Variants in ABCB7 observed in about 807,000 individuals in gnomAD.
ABCB7 encodes iron-sulfur clusters transporter ABCB7, mitochondrial.
In ABCB7, 7 loss-of-function variants were observed where a neutral mutation model predicts 54.4. That is an observed-to-expected ratio of 0.13 (90% CI 0.07 to 0.24). ABCB7 has a LOEUF of 0.24. Ranked by LOEUF, ABCB7 falls within the 10% of genes least tolerant of loss-of-function variation. The probability of loss-of-function intolerance (pLI) is 1.00; values close to 1 mark genes in which losing one functional copy is unlikely to be tolerated. For missense variants in ABCB7, 356 were observed against 570.4 expected (o/e 0.62, Z 3.83); for synonymous variants, 218 against 207.1 (o/e 1.05, Z -0.45).
intron 4 of ABCB7, among the ~76,000 whole-genome samples, chrX:75,085,851 ATT>A (rs111232342): frequency 2.9e-5 from 3 of 103,678 alleles, no homozygotes; most frequent in African/African-American, 1.1e-4. Flanking sequence ...AACTTTAAAT[ATT>A]TTTTTTTTTT....
intron 13 of ABCB7, among the ~76,000 whole-genome samples, chrX:75,063,199 TAAAC>T (rs1234034491): frequency 2.7e-5 from 3 of 111,328 alleles, no homozygotes; most frequent in South Asian, 3.8e-4. Flanking sequence ...ATTTCTTAAA[TAAAC>T]AGTGAAAATA....
chrX:75,054,311 T>C, intron 15 of ABCB7, among the ~76,000 whole-genome samples: 1 of 112,170 alleles, frequency 8.9e-6, no homozygotes, highest in East Asian at 2.8e-4. Context: ...TGTAAGGTTA[T>C]ACCACTATTC....
At chrX:75,112,809 T>C (rs1167557956) in intron 3 of ABCB7, 77 bp downstream of exon 3, 2 of 815,055 alleles carry the variant, frequency 2.5e-6, no homozygotes, top group Non-Finnish European at 3.7e-6. Flanking sequence ...TTCTAGGATA[T>C]TATAATCTTA....
chrX:75,104,047 G>GTTGTTTTTTTTTTTTTT (rs2081663492), intron 3 of ABCB7, among the ~76,000 whole-genome samples: 1 of 13,443 alleles, frequency 7.4e-5, no homozygotes, highest in Non-Finnish European at 1.7e-4. Flanking sequence ...TCTTGTTACA[G>GTTGTTTTTTTTTTTTTT]TTTTTTTTTT....
At chrX:75,140,129 A>T (rs2082043685) in intron 1 of ABCB7, among the ~76,000 whole-genome samples, 1 of 112,123 alleles carries the variant, frequency 8.9e-6, no homozygotes, top group South Asian at 3.7e-4. Flanking sequence ...TTTAAAGGAG[A>T]TCTTGACAAA....
chrX:75,123,596 G>A (rs924798776), intron 1 of ABCB7, among the ~76,000 whole-genome samples: 1 of 111,614 alleles, frequency 9.0e-6, no homozygotes, highest in Non-Finnish European at 1.9e-5. Context: ...GTTGGGTAGT[G>A]TGGAAATTTT....
In ABCB7 at chrX:75,095,884, A is replaced by G. The variant is rs1047918040; in HGVS notation, c.453+3058T>C. 3.6e-5 allele frequency among the ~76,000 whole-genome samples: 4 copies of G among 111,887 alleles called. No homozygotes were observed. In the South Asian group the frequency reaches 1.5e-3, roughly 42 times the overall value. On this transcript the variant is annotated intron_variant, in intron 4 of 15. Coordinates refer to ENST00000373394, the MANE Select transcript of ABCB7 (RefSeq NM_001271696.3). Reference sequence around the variant, plus strand: ...AAGTTAGTTTAGATCTAGATTTCATACCCTGATATTGACCTGTCACTAAGC... The same window carrying G: ...AAGTTAGTTTAGATCTAGATTTCATGCCCTGATATTGACCTGTCACTAAGC...
At chrX:75,089,324 A>G (rs1340459433) in intron 4 of ABCB7, among the ~76,000 whole-genome samples, 1 of 111,963 alleles carries the variant, frequency 8.9e-6, no homozygotes, top group Non-Finnish European at 1.9e-5. Context: ...CATCTAACAG[A>G]TAAGTTTCTT....
intron 1 of ABCB7, among the ~76,000 whole-genome samples, chrX:75,144,148 C>T (rs1352623185): frequency 9.0e-6 from 1 of 111,424 alleles, no homozygotes. Context: ...ATGTCCCTAT[C>T]TCCAATCCTT....
intron 15 of ABCB7, among the ~76,000 whole-genome samples, chrX:75,057,385 C>CT (rs1356870433): frequency 1.5e-3 from 148 of 99,633 alleles, no homozygotes; most frequent in South Asian, 0.014. Flanking sequence ...GTTTCCTTTA[C>CT]TTTTTTTTTT....
intron 1 of ABCB7, among the ~76,000 whole-genome samples, chrX:75,151,609 C>CTACTATA (rs1287155781): frequency 9.0e-6 from 1 of 111,727 alleles, no homozygotes; most frequent in Non-Finnish European, 1.9e-5. Flanking sequence ...CAGTAGTAAA[C>CTACTATA]TAGGATCACA....
At chrX:75,087,181 A>G (rs979436164) in intron 4 of ABCB7, among the ~76,000 whole-genome samples, 3 of 111,926 alleles carry the variant, frequency 2.7e-5, no homozygotes, top group African/African-American at 9.8e-5. Flanking sequence ...CTGTTGCTCT[A>G]ATAAACTTGC....
In ABCB7 at chrX:75,076,541, T is replaced by C. The variant is rs754634625; in HGVS notation, c.567A>G (p.Ala189=). 3.3e-6 allele frequency: 4 copies of C among 1,211,151 alleles called. No homozygotes were observed. Among genetic ancestry groups the C allele is most frequent in the Non-Finnish European group, 4.5e-6 (4 of 895,018 alleles). ...ACATACAGCCAATCAGAACTGCTGT[T>C]GCCATGGTTGCAACTGTATTTGGTG... The part of the protein sequence containing the change: ...SDAPNTVATM[A]TAVLIGYGVS... Residue 189 remains alanine (A), a synonymous_variant, in exon 5 of 16, where the codon GCA becomes GCG. Transcript: ENST00000373394.
intron 1 of ABCB7, among the ~76,000 whole-genome samples, chrX:75,152,500 C>G (rs1405362534): frequency 8.9e-6 from 1 of 111,838 alleles, no homozygotes; most frequent in South Asian, 3.7e-4. Flanking sequence ...GTTATACCAG[C>G]CCAAACAGAC....
chrX:75,104,078 TTTTTTTTG>T, intron 3 of ABCB7, among the ~76,000 whole-genome samples: 3 of 76,757 alleles, frequency 3.9e-5, no homozygotes, highest in South Asian at 7.6e-4. Context: ...TTTTTTTTTT[TTTTTTTTG>T]TGGAAAGGCT....
chrX:75,091,317 A>G (rs1046619751), intron 4 of ABCB7, among the ~76,000 whole-genome samples: 6 of 111,467 alleles, frequency 5.4e-5, no homozygotes, highest in Non-Finnish European at 9.5e-5. Flanking sequence ...CAGTTAATGT[A>G]ATCCATCACA....
Position 75,051,952 on chromosome X carries a change from C to T in ABCB7, c.*1418G>A, listed in dbSNP as rs1474228408. On this transcript the variant is annotated 3_prime_UTR_variant, in exon 16 of 16. Coordinates refer to ENST00000373394, the MANE Select transcript of ABCB7 (RefSeq NM_001271696.3). ...CTTTCTAAGCTTTTCAGATTACTCCCAGTATAGCAACTTTCAAATTACATA... is the reference window on the plus strand; with the variant it reads ...CTTTCTAAGCTTTTCAGATTACTCCTAGTATAGCAACTTTCAAATTACATA... 1.8e-5 allele frequency: 2 copies of T among 112,040 alleles called. No individual in the cohort carries two copies. The highest frequency in any genetic ancestry group is 3.2e-5 in the African/African-American group (1 of 30,857). 9.2% of individuals were successfully genotyped at this position (112,040 alleles called of 1,213,427 possible). A position where few individuals can be genotyped will look rare whatever the true frequency, so the allele number is the denominator to read the frequency against.
chrX:75,096,784 CTTTTTT>C (rs78958010), intron 4 of ABCB7, among the ~76,000 whole-genome samples: 1 of 103,269 alleles, frequency 9.7e-6, no homozygotes, highest in African/African-American at 3.5e-5. Flanking sequence ...TGGAATCCTA[CTTTTTT>C]TTTTTTTAAC....
At chrX:75,088,318 G>A (rs1455647493) in intron 4 of ABCB7, among the ~76,000 whole-genome samples, 4 of 112,610 alleles carry the variant, frequency 3.6e-5, no homozygotes, top group Admixed American at 9.4e-5. Context: ...AGTCTGAATA[G>A]ACAAAGTAAA....
Sources: allele counts gnomAD v4.1 joint callset (sites outside exome capture counted in the v4.1 genomes callset), GRCh38; gene constraint gnomAD v4.1.1; transcripts MANE v1.5; gene names NCBI Gene and HGNC (gene_info 2026-07-23, HGNC 2026-07-21).